Variants in GRIK2 observed in about 807,000 individuals in gnomAD.
GRIK2 encodes the protein glutamate receptor ionotropic, kainate 2.
Under a neutral mutation model 100.3 loss-of-function variants are expected in GRIK2, and 32 were observed. That is an observed-to-expected ratio of 0.32 (90% CI 0.24 to 0.43). The LOEUF (loss-of-function observed/expected upper bound fraction) is 0.43. Ranked by LOEUF, GRIK2 falls within the 20% of genes least tolerant of loss-of-function variation. GRIK2 has a pLI of 1.00. For missense variants in GRIK2, 843 were observed against 1,114.9 expected (o/e 0.76, Z 3.47); for synonymous variants, 417 against 389.4 (o/e 1.07, Z -0.83).
intron 2 of GRIK2, among the ~76,000 whole-genome samples, chr6:101,475,729 G>A (rs1395326828): frequency 2.6e-5 from 4 of 151,804 alleles, no homozygotes; most frequent in Non-Finnish European, 4.4e-5. Context: ...GGTAGCATAC[G>A]AAATGTCTTA....
chr6:101,494,739 T>G (rs922094568), intron 2 of GRIK2, among the ~76,000 whole-genome samples: 8 of 151,046 alleles, frequency 5.3e-5, no homozygotes, highest in African/African-American at 1.9e-4. Flanking sequence ...GAGACCAGCC[T>G]GGGCAACATG....
intron 8 of GRIK2, 63 bp from the exon 9 acceptor site, chr6:101,802,267 GT>G: frequency 3.4e-6 from 2 of 582,224 alleles, no homozygotes; most frequent in Non-Finnish European, 6.0e-6. Context: ...TCCTACTTTT[GT>G]GAAAAAATGT....
chr6:101,440,262 C>T (rs1424401289), intron 2 of GRIK2, among the ~76,000 whole-genome samples: 1 of 152,068 alleles, frequency 6.6e-6, no homozygotes, highest in African/African-American at 2.4e-5. Context: ...AGGTATAAGA[C>T]ACAGCATGGG....
At chr6:101,696,956 T>A (rs988580654) in intron 7 of GRIK2, among the ~76,000 whole-genome samples, 4 of 152,032 alleles carry the variant, frequency 2.6e-5, no homozygotes, top group African/African-American at 9.7e-5. Flanking sequence ...GTTGGTCTAC[T>A]AAACCCTGTT....
rs573055395 is a variant in GRIK2 at position 101,855,170 on chromosome 6, T to G, written c.1318-4117T>G. Among the ~76,000 whole-genome samples the G allele has an allele frequency of 1.3e-3, 193 of 152,256 alleles. 1 individual carries two copies. Among genetic ancestry groups the G allele is most frequent in the African/African-American group, 3.6e-3 (150 of 41,554 alleles). ...GAGAGAGAAAGGTAAGTTTTAAGCC[T>G]TTATGATGAATATTTTATTCATTTA... is the stretch of plus-strand genomic sequence containing the variant. On this transcript the variant is annotated intron_variant, in intron 10 of 16. Coordinates refer to ENST00000369134, the MANE Select transcript of GRIK2 (RefSeq NM_021956.5).
chr6:101,668,623 A>C (rs1282240337), intron 4 of GRIK2, among the ~76,000 whole-genome samples: 1 of 152,178 alleles, frequency 6.6e-6, no homozygotes, highest in Non-Finnish European at 1.5e-5. Flanking sequence ...ATTTTTGTGT[A>C]GCTTATAATA....
At chr6:101,565,915 T>TTATATATATATATATATATA (rs71797313) in intron 2 of GRIK2, among the ~76,000 whole-genome samples, 2 of 123,306 alleles carry the variant, frequency 1.6e-5, no homozygotes, top group Admixed American at 8.1e-5. Flanking sequence ...TATACCTATT[T>TTATATATATATATATATATA]TATATATATA....
chr6:102,063,505 C>T (rs1204728535), intron 16 of GRIK2, among the ~76,000 whole-genome samples: 2 of 150,568 alleles, frequency 1.3e-5, no homozygotes, highest in Non-Finnish European at 3.0e-5. Flanking sequence ...ATGGTTTTAA[C>T]TTTAAAATGA....
chr6:101,684,686 G>C (rs1771543597), intron 6 of GRIK2, among the ~76,000 whole-genome samples: 1 of 148,130 alleles, frequency 6.8e-6, no homozygotes, highest in Non-Finnish European at 1.5e-5. Context: ...AAAGCCATCA[G>C]AAATGAAGAC....
intron 7 of GRIK2, among the ~76,000 whole-genome samples, chr6:101,760,530 T>C (rs1189021273): frequency 1.2e-5 from 1 of 86,500 alleles, no homozygotes; most frequent in Non-Finnish European, 2.0e-5. Context: ...TATAATTAAT[T>C]ATATTTAATT....
chr6:101,801,147 A>T (rs1388765153), intron 8 of GRIK2, among the ~76,000 whole-genome samples: 3 of 152,054 alleles, frequency 2.0e-5, no homozygotes, highest in African/African-American at 7.2e-5. Flanking sequence ...TTCACCTGGT[A>T]TACATTTCTT....
At chr6:101,941,824 C>A (rs753828232) in intron 14 of GRIK2, among the ~76,000 whole-genome samples, 1 of 151,964 alleles carries the variant, frequency 6.6e-6, no homozygotes, top group Non-Finnish European at 1.5e-5. Flanking sequence ...TCAGTTGATC[C>A]TAATTTTTAA....
In GRIK2 at chr6:101,910,839, C is replaced by CACACACACA. The variant is rs1554284826; in HGVS notation, c.1749-13762_1749-13761insACACACACA. Among the ~76,000 whole-genome samples the CACACACACA allele has an allele frequency of 4.1e-3, 592 of 143,360 alleles. 3 individuals are homozygous for CACACACACA. The highest frequency in any genetic ancestry group is 0.015 in the African/African-American group (572 of 37,822). The allele number at this position is 143,360 out of a possible 152,430, so 94.0% of individuals were successfully genotyped here. Reference sequence around the variant, plus strand: ...CACAGTAAAATAATACCAACATACACCACACACACACACACACACACACAC... The same window carrying CACACACACA: ...CACAGTAAAATAATACCAACATACACACACACACACACACACACACACACACACACACAC... On this transcript the variant is annotated intron_variant, in intron 12 of 16. Coordinates refer to ENST00000369134, the MANE Select transcript of GRIK2 (RefSeq NM_021956.5).
chr6:101,564,638 A>G (rs1777167100), intron 2 of GRIK2, among the ~76,000 whole-genome samples: 1 of 152,126 alleles, frequency 6.6e-6, no homozygotes, highest in Non-Finnish European at 1.5e-5. Flanking sequence ...ACTGGGAAGA[A>G]GTTAAGGTGC....
chr6:101,760,726 T>TA (rs1562364928), intron 7 of GRIK2, among the ~76,000 whole-genome samples: 6 of 77,050 alleles, frequency 7.8e-5, no homozygotes, highest in African/African-American at 4.3e-4. Flanking sequence ...TTATATTTAA[T>TA]TATATAATTA....
chr6:102,007,801 TA>T (rs1325342780), intron 14 of GRIK2, among the ~76,000 whole-genome samples: 1 of 152,068 alleles, frequency 6.6e-6, no homozygotes, highest in African/African-American at 2.4e-5. Context: ...AGGCTGGGAT[TA>T]AGTAGATGGC....
intron 7 of GRIK2, among the ~76,000 whole-genome samples, chr6:101,762,667 G>C (rs1015270502): frequency 3.9e-5 from 6 of 152,178 alleles, no homozygotes; most frequent in African/African-American, 1.4e-4. Context: ...GGTCTAGTTT[G>C]ATAAATGACT....
At chr6:101,646,935 A>G (rs557511230) in intron 4 of GRIK2, among the ~76,000 whole-genome samples, 2 of 152,086 alleles carry the variant, frequency 1.3e-5, no homozygotes, top group South Asian at 4.1e-4. Context: ...AGGTAAACAT[A>G]ATAATCATCA....
At chr6:101,472,589 T>C (rs1385672735) in intron 2 of GRIK2, among the ~76,000 whole-genome samples, 1 of 151,996 alleles carries the variant, frequency 6.6e-6, no homozygotes, top group East Asian at 1.9e-4. Context: ...ACATACAGCC[T>C]ACATACTATT....
Sources: allele counts gnomAD v4.1 joint callset (sites outside exome capture counted in the v4.1 genomes callset), GRCh38; gene constraint gnomAD v4.1.1; transcripts MANE v1.5; gene names NCBI Gene and HGNC (gene_info 2026-07-23, HGNC 2026-07-21).